VPS8: variants seen among roughly 807,000 people sequenced by gnomAD.
VPS8 encodes the protein vacuolar protein sorting-associated protein 8 homolog.
A neutral mutation model predicts 216.4 loss-of-function variants in VPS8; 129 were observed. The observed-to-expected ratio is 0.60, with a 90% CI of 0.52 to 0.69. VPS8 has a LOEUF of 0.69. Among genes scored for constraint, VPS8 ranks in the 30% least tolerant of loss-of-function variants. The pLI, the probability that VPS8 is intolerant of heterozygous loss-of-function variation, is 0.00. For synonymous variants in VPS8, 571 were observed against 565.4 expected (o/e 1.01, Z -0.14); for missense variants, 1,531 against 1,683.5 (o/e 0.91, Z 1.59).
rs937917062 is a variant in VPS8, at chr3:184,976,689, C to T, written c.3420+4937C>T. ...ATGACCATATGCCCAATGATTAGCT[C>T]TCACTTATAAATGAGAACACGTGGT... is the stretch of plus-strand genomic sequence containing the variant. On this transcript the variant is annotated intron_variant, in intron 40 of 47. Coordinates refer to ENST00000625842, the MANE Select transcript of VPS8 (RefSeq NM_001009921.3). Among the ~76,000 whole-genome samples, 6 of 152,152 alleles carry T rather than the reference C, an allele frequency of 3.9e-5. 1 individual carries two copies. The highest frequency in any genetic ancestry group is 3.9e-4 in the Admixed American group (6 of 15,274).
chr3:185,039,803 T>C (rs775375518), intron 46 of VPS8, among the ~76,000 whole-genome samples: 4 of 152,132 alleles, frequency 2.6e-5, no homozygotes, highest in Non-Finnish European at 5.9e-5. Flanking sequence ...GAAATTGGGC[T>C]GGCTGTGACA....
intron 37 of VPS8, among the ~76,000 whole-genome samples, chr3:184,958,878 CAG>C (rs1746042693): frequency 6.6e-6 from 1 of 151,674 alleles, no homozygotes; most frequent in Non-Finnish European, 1.5e-5. Flanking sequence ...CAAAAATAAT[CAG>C]AGTAAGTTCA....
chr3:184,815,276 A>T (rs1716068754), intron 1 of VPS8, among the ~76,000 whole-genome samples: 1 of 152,234 alleles, frequency 6.6e-6, no homozygotes, highest in African/African-American at 2.4e-5. Context: ...ATCAAGTATT[A>T]TGTACTGCAC....
At chr3:185,027,235 C>CTTTTTTTTT (rs893256183) in intron 46 of VPS8, among the ~76,000 whole-genome samples, 39 of 87,720 alleles carry the variant, frequency 4.4e-4, no homozygotes, top group African/African-American at 1.0e-3. Context: ...TTTTTATGTT[C>CTTTTTTTTT]TTTTTTTTTT....
At chr3:184,922,392 A>T (rs905140237) in intron 29 of VPS8, 5 of 441,746 alleles carry the variant, frequency 1.1e-5, no homozygotes, top group Non-Finnish European at 4.5e-6. Flanking sequence ...GATTATTCTA[A>T]TTATTATTAT....
In VPS8 at chr3:184,855,721, C is replaced by A; in HGVS notation, c.1046C>A (p.Ser349Tyr). Residue 349 changes from serine to tyrosine, a missense_variant, in exon 14 of 48, where the codon TCC (serine) becomes TAC (tyrosine). Around this residue, in one of 3 missense-constraint regions of VPS8, gnomAD observed 1,318 missense variants for 1,468.4 expected, o/e 0.90. Transcript: ENST00000625842. Reference sequence around the variant, plus strand: ...CATCTCCCTACTTAGATGGATCCTTCCAGTGTGCCACTGCTGGCCTGGCAC... The same window carrying A: ...CATCTCCCTACTTAGATGGATCCTTACAGTGTGCCACTGCTGGCCTGGCAC... ...MTFPYGRMDPSSVPLLAWHFV... is the reference protein window; with the variant it reads ...MTFPYGRMDPYSVPLLAWHFV... 1 of 1,612,504 alleles carries A rather than the reference C, an allele frequency of 6.2e-7. No individual in the cohort carries two copies. Among genetic ancestry groups the A allele is most frequent in the South Asian group, 1.1e-5 (1 of 90,760 alleles).
At chr3:185,033,978 C>G (rs1458778290) in intron 46 of VPS8, among the ~76,000 whole-genome samples, 2 of 152,128 alleles carry the variant, frequency 1.3e-5, no homozygotes, top group Non-Finnish European at 2.9e-5. Context: ...AGATTTGTTA[C>G]ATGGGAATAT....
In VPS8 at chr3:184,986,667, A is replaced by G. The variant is rs1751136242; in HGVS notation, c.3585+3573A>G. Among the ~76,000 whole-genome samples the G allele has an allele frequency of 2.0e-5, 3 of 152,176 alleles. No individual in the cohort carries two copies. The South Asian group carries it at 6.2e-4, about 31-fold the overall frequency. On this transcript the variant is annotated intron_variant, in intron 42 of 47. Transcript: ENST00000625842. ...TGGATGCTTCAGGTTTTCCTCAAGA[A>G]AAAGGCTGGCTAGCTGTCCTGTCAC...
chr3:185,003,633 A>C (rs1233573543), intron 45 of VPS8, among the ~76,000 whole-genome samples: 1 of 151,396 alleles, frequency 6.6e-6, no homozygotes, highest in Admixed American at 6.6e-5. Context: ...CAAAACCGCC[A>C]TTGTCATCAT....
At chr3:184,818,274 G>A (rs1423768341) in intron 1 of VPS8, among the ~76,000 whole-genome samples, 3 of 152,156 alleles carry the variant, frequency 2.0e-5, no homozygotes, top group African/African-American at 4.8e-5. Context: ...GCTTACACCT[G>A]TAATCCCAGC....
At chr3:185,017,298 G>T (rs753932279) in intron 45 of VPS8, among the ~76,000 whole-genome samples, 1 of 152,114 alleles carries the variant, frequency 6.6e-6, no homozygotes, top group Non-Finnish European at 1.5e-5. Context: ...GTGCTATAGA[G>T]AAATGATTGA....
chr3:184,913,479 TG>T (rs746686649), intron 25 of VPS8, 39 bp from the exon 26 acceptor site: 1 of 1,527,686 alleles, frequency 6.5e-7, no homozygotes, highest in South Asian at 1.2e-5. Context: ...GAAAAGGTTT[TG>T]AGAGAAAATT....
chr3:184,902,822 G>A lies in VPS8; in HGVS notation c.2146+1850G>A, dbSNP rs542298939. Among the ~76,000 whole-genome samples the A allele has an allele frequency of 2.8e-3, 402 of 143,532 alleles. 2 individuals are homozygous for A. The highest frequency in any genetic ancestry group is 4.4e-3 in the Non-Finnish European group (296 of 66,656). 94.2% of individuals were successfully genotyped at this position (143,532 alleles called of 152,430 possible). ...TCTAGCTGGGGCAACAGAGTGAGAT[G>A]CTGTCTCAAAAAAAAAAAAAAAAGA... is the stretch of plus-strand genomic sequence containing the variant. On this transcript the variant is annotated intron_variant, in intron 25 of 47. Transcript: ENST00000625842.
chr3:185,011,849 G>C (rs1755055385), intron 45 of VPS8, among the ~76,000 whole-genome samples: 1 of 152,136 alleles, frequency 6.6e-6, no homozygotes, highest in African/African-American at 2.4e-5. Flanking sequence ...GAATGACCCA[G>C]ATGCTGGAAT....
chr3:184,820,289 A>G (rs762712365), intron 1 of VPS8, among the ~76,000 whole-genome samples: 32 of 152,250 alleles, frequency 2.1e-4, no homozygotes, highest in Middle Eastern at 3.4e-3. Flanking sequence ...TGTCTTTCGC[A>G]GCTTCTAGAG....
intron 21 of VPS8, among the ~76,000 whole-genome samples, chr3:184,874,012 G>A (rs936073294): frequency 3.3e-5 from 5 of 151,820 alleles, no homozygotes; most frequent in Admixed American, 1.3e-4. Context: ...CCACAAATCC[G>A]TTGTTTTGTT....
At position 185,019,247 on chromosome 3, in the gene VPS8, C is replaced by T. The variant is rs113077607; in HGVS notation, c.4003-5089C>T. Among the ~76,000 whole-genome samples, 226 of 152,182 alleles carry T rather than the reference C, an allele frequency of 1.5e-3. 1 individual carries two copies. Among genetic ancestry groups the T allele is most frequent in the Non-Finnish European group, 2.5e-3 (170 of 68,012 alleles). ...CCACGTTCTCCAACCATCACTCCGG[C>T]GACCCTTCAACCCAGGTTTGAGCCC... On this transcript the variant is annotated intron_variant, in intron 45 of 47. Coordinates refer to ENST00000625842, the MANE Select transcript of VPS8 (RefSeq NM_001009921.3).
At chr3:184,915,081 C>T (rs1737290203) in intron 27 of VPS8, 28 bp downstream of exon 27, 1 of 1,608,466 alleles carries the variant, frequency 6.2e-7, no homozygotes. Flanking sequence ...AGCCTTTTGA[C>T]TGTTCTCCGT....
At chr3:184,916,649 G>T (rs992932646) in intron 28 of VPS8, among the ~76,000 whole-genome samples, 1 of 152,116 alleles carries the variant, frequency 6.6e-6, no homozygotes, top group African/African-American at 2.4e-5. Flanking sequence ...AGAAGAGAGG[G>T]AGAAACTTAG....
Sources: gnomAD v4.1 joint callset for allele counts (sites outside exome capture counted in the v4.1 genomes callset) on GRCh38, gnomAD v4.1.1 for gene constraint, gnomAD v4.1.1 regional missense constraint, MANE v1.5 for transcripts, NCBI Gene and HGNC (gene_info 2026-07-23, HGNC 2026-07-21) for gene names.